The following KHDRBS3 variants were observed in gnomAD, a reference collection of about 807,000 sequenced individuals.
KHDRBS3 encodes KH domain-containing, RNA-binding, signal transduction-associated protein 3.
KHDRBS3 carries 23 observed loss-of-function variants against 45.6 expected under a neutral mutation model. The ratio of observed to expected loss-of-function variants is 0.50; its 90% CI spans 0.36 to 0.72. The LOEUF (loss-of-function observed/expected upper bound fraction) is 0.72. KHDRBS3 is among the 30% of genes least tolerant of loss of function. The probability of loss-of-function intolerance (pLI) is 0.00; values close to 1 mark genes in which losing one functional copy is unlikely to be tolerated. For synonymous variants in KHDRBS3, 162 were observed against 156.5 expected, an observed-to-expected ratio of 1.04 and a Z score of -0.26; for missense variants, 352 against 424.8, an observed-to-expected ratio of 0.83 and a Z score of 1.51.
At chr8:135,577,822 G>A (rs1447844503) in intron 5 of KHDRBS3, among the ~76,000 whole-genome samples, 4 of 152,176 alleles carry the variant, frequency 2.6e-5, no homozygotes, top group African/African-American at 9.6e-5. Flanking sequence ...TTGCCAAACT[G>A]TCTAAGTGGC....
intron 4 of KHDRBS3, among the ~76,000 whole-genome samples, chr8:135,654,089 A>G (rs1312215771): frequency 1.3e-5 from 2 of 152,110 alleles, no homozygotes; most frequent in African/African-American, 2.4e-5. Context: ...AATTATCACT[A>G]TTTTTTACAT....
intron 7 of KHDRBS3, among the ~76,000 whole-genome samples, chr8:135,626,696 T>C (rs990596534): frequency 1.3e-5 from 2 of 150,502 alleles, no homozygotes; most frequent in African/African-American, 2.5e-5. Flanking sequence ...CCCAGCTACT[T>C]GGGAGGCTGA....
chr8:135,644,156 CT>C (rs1390106297), intron 7 of KHDRBS3, among the ~76,000 whole-genome samples: 2 of 152,186 alleles, frequency 1.3e-5, no homozygotes, highest in Admixed American at 1.3e-4. Context: ...GTAATCTAGA[CT>C]TTTCACAAGT....
rs1363739199 is a variant in KHDRBS3 at position 135,482,787 on chromosome 8, CTGAAAAGTTGA to C, written c.88+24834_88+24844del. Reference sequence around the variant, plus strand: ...TCTACCTCTGCAGCACTTTGCACCTCTGAAAAGTTGACTAACACCACCTAGTAGGTAGCAGG... The same window carrying C: ...TCTACCTCTGCAGCACTTTGCACCTCCTAACACCACCTAGTAGGTAGCAGG... On this transcript the variant is annotated intron_variant, in intron 1 of 8. Coordinates refer to ENST00000355849, the MANE Select transcript of KHDRBS3 (RefSeq NM_006558.3). Among the ~76,000 whole-genome samples the C allele has an allele frequency of 7.2e-5, 11 of 152,234 alleles. No homozygotes were observed. The East Asian group carries it at 1.5e-3, about 21-fold the overall frequency.
chr8:135,479,033 A>T (rs1822436411), intron 1 of KHDRBS3, among the ~76,000 whole-genome samples: 1 of 152,336 alleles, frequency 6.6e-6, no homozygotes, highest in East Asian at 1.9e-4. Flanking sequence ...GAAAAGATCA[A>T]CAAAATTAAC....
At chr8:135,461,235 G>C (rs1821414759) in intron 1 of KHDRBS3, among the ~76,000 whole-genome samples, 1 of 152,158 alleles carries the variant, frequency 6.6e-6, no homozygotes. Flanking sequence ...CTCCCGAGTA[G>C]CTGGGACTGC....
chr8:135,613,998 A>C (rs1829811660), intron 7 of KHDRBS3, among the ~76,000 whole-genome samples: 1 of 133,456 alleles, frequency 7.5e-6, no homozygotes, highest in Non-Finnish European at 1.7e-5. Context: ...TCAGAGTACA[A>C]ATGAGAATTC....
At position 135,645,147 on chromosome 8, in the gene KHDRBS3, A is replaced by T. The variant is rs756320864; in HGVS notation, c.949+30A>T. 3.1e-6 allele frequency: 5 copies of T among 1,610,014 alleles called. No homozygotes were observed. In the East Asian group the frequency reaches 1.1e-4, roughly 36 times the overall value. Reference sequence around the variant, plus strand: ...GTGACTGGCCAGAGCATGTGAAGAGAGGGAGGAGAGATGGCCGTAGAAAGA... The same window carrying T: ...GTGACTGGCCAGAGCATGTGAAGAGTGGGAGGAGAGATGGCCGTAGAAAGA... On this transcript the variant is annotated intron_variant, in intron 8 of 8. Coordinates refer to ENST00000355849, the MANE Select transcript of KHDRBS3 (RefSeq NM_006558.3).
chr8:135,469,522 G>T (rs112401218), intron 1 of KHDRBS3, among the ~76,000 whole-genome samples: 315 of 20,744 alleles, frequency 0.015, 2 homozygotes, highest in Admixed American at 0.042. Context: ...TTTTTGTTTT[G>T]GTTTTTTTTT....
intron 2 of KHDRBS3, among the ~76,000 whole-genome samples, chr8:135,536,207 C>T (rs1398153245): frequency 7.6e-6 from 1 of 132,218 alleles, no homozygotes; most frequent in Non-Finnish European, 1.6e-5. Flanking sequence ...TGCCCATAGA[C>T]TTCAGTGTTA....
At chr8:135,485,842 TTATATATA>T (rs34886021) in intron 1 of KHDRBS3, among the ~76,000 whole-genome samples, 54 of 120,322 alleles carry the variant, frequency 4.5e-4, no homozygotes, top group Admixed American at 1.2e-3. Context: ...CATTTCAAGT[TTATATATA>T]TATATATATA....
intron 5 of KHDRBS3, among the ~76,000 whole-genome samples, chr8:135,578,039 G>A (rs1828027937): frequency 6.6e-6 from 1 of 152,134 alleles, no homozygotes; most frequent in Non-Finnish European, 1.5e-5. Flanking sequence ...CTTCTTTGGT[G>A]AGTTGTCTGT....
At chr8:135,463,943 T>C (rs1374410552) in intron 1 of KHDRBS3, among the ~76,000 whole-genome samples, 2 of 152,210 alleles carry the variant, frequency 1.3e-5, no homozygotes, top group African/African-American at 2.4e-5. Context: ...CTGCTTTCTG[T>C]GCATTCTCTC....
At chr8:135,561,281 G>A (rs922322018) in intron 5 of KHDRBS3, among the ~76,000 whole-genome samples, 2 of 152,122 alleles carry the variant, frequency 1.3e-5, no homozygotes, top group Non-Finnish European at 2.9e-5. Flanking sequence ...GCTACTATTG[G>A]TTGAGTACTT....
downstream of KHDRBS3, among the ~76,000 whole-genome samples, chr8:135,650,287 G>A (rs973634049): frequency 2.6e-5 from 4 of 152,022 alleles, no homozygotes; most frequent in South Asian, 2.1e-4. Flanking sequence ...AACCATACCC[G>A]TCCTTCAGAA....
chr8:135,529,804 T>C (rs1825376910), intron 2 of KHDRBS3, among the ~76,000 whole-genome samples: 2 of 152,254 alleles, frequency 1.3e-5, no homozygotes, highest in Admixed American at 6.5e-5. Flanking sequence ...CTCATGCCTG[T>C]AATCCCAGCA....
At chr8:135,557,741 G>C (rs1016879023) in intron 5 of KHDRBS3, among the ~76,000 whole-genome samples, 154 bp downstream of exon 5, 1 of 152,144 alleles carries the variant, frequency 6.6e-6, no homozygotes, top group Admixed American at 6.6e-5. Context: ...GGAATCTGAG[G>C]CCAGGAGTTC....
intron 2 of KHDRBS3, chr8:135,539,866 A>G (rs2095740751): frequency 6.6e-6 from 1 of 152,242 alleles, no homozygotes; most frequent in South Asian, 2.1e-4. Context: ...TAAGTGGAAA[A>G]AAGAAACCCC....
chr8:135,610,723 T>A (rs1435825943), intron 7 of KHDRBS3, among the ~76,000 whole-genome samples: 1 of 151,766 alleles, frequency 6.6e-6, no homozygotes, highest in Non-Finnish European at 1.5e-5. Context: ...AGTCACCAGG[T>A]GACAAACAGG....
Sources: gnomAD v4.1 joint callset for allele counts (sites outside exome capture counted in the v4.1 genomes callset) on GRCh38, gnomAD v4.1.1 for gene constraint, MANE v1.5 for transcripts, NCBI Gene and HGNC (gene_info 2026-07-23, HGNC 2026-07-21) for gene names.